The following TUBG2 variants were observed in gnomAD, a reference collection of about 807,000 sequenced individuals.
TUBG2 encodes tubulin gamma 2.
TUBG2 carries 39 observed loss-of-function variants against 55.1 expected under a neutral mutation model. The ratio of observed to expected loss-of-function variants is 0.71; its 90% CI spans 0.55 to 0.93. TUBG2 has a LOEUF of 0.93. Among genes scored for constraint, TUBG2 ranks in the 40% least tolerant of loss-of-function variants. The pLI is 0.00. For missense variants in TUBG2, 358 were observed against 599.1 expected, an observed-to-expected ratio of 0.60 and a Z score of 4.20; for synonymous variants, 223 against 241.0, an observed-to-expected ratio of 0.93 and a Z score of 0.69.
chr17:42,660,333 T>G lies in TUBG2; in HGVS notation c.330+17T>G. The G allele has an allele frequency of 6.2e-7, 1 of 1,614,076 alleles. No homozygotes were observed. ...TTCTCCCAGGTGTCCTAGCGACCAT[T>G]CCAGAGACCTTTGATATTCCCATCC... On this transcript the variant is annotated intron_variant, in intron 3 of 10. Transcript: ENST00000251412.
chr17:42,659,630 G>A, intron 1 of TUBG2, 78 bp downstream of exon 1: 2 of 1,465,776 alleles, frequency 1.4e-6, no homozygotes, highest in African/African-American at 1.4e-5. Flanking sequence ...GCTTCCACCA[G>A]TCCCCCTTTC....
rs903018534 is a variant in TUBG2 at position 42,659,358 on chromosome 17, T to C, written c.-146T>C. On this transcript the variant is annotated 5_prime_UTR_variant, in exon 1 of 11. Coordinates refer to ENST00000251412, the MANE Select transcript of TUBG2 (RefSeq NM_016437.3). The stretch of plus-strand genomic sequence containing the variant: ...CCGGCCCACCGGCCGAGGAGAGGCC[T>C]GCGCTGCACACGCGCAGACCGAGCA... 5 of 826,156 alleles carry C rather than the reference T, an allele frequency of 6.1e-6. No homozygotes were observed. Among genetic ancestry groups the C allele is most frequent in the Non-Finnish European group, 9.0e-6 (5 of 555,264 alleles). 51.2% of individuals were successfully genotyped at this position (826,156 alleles called of 1,614,324 possible).
intron 5 of TUBG2, 85 bp downstream of exon 5, chr17:42,663,137 C>T: frequency 2.7e-6 from 4 of 1,459,852 alleles, no homozygotes; most frequent in East Asian, 4.5e-5. Flanking sequence ...GAAAGTCTGC[C>T]ACTACCCCTT....
Position 42,660,688 on chromosome 17 carries a change from A to G in TUBG2, c.380A>G (p.Asp127Gly). The G allele has an allele frequency of 1.2e-6, 2 of 1,614,170 alleles. No individual in the cohort carries two copies. Among genetic ancestry groups the G allele is most frequent in the Non-Finnish European group, 1.7e-6 (2 of 1,180,018 alleles). ...TTTGACATCATAGACCGAGAAGCAG[A>G]TGGAAGTGACAGTTTGGAGGTGAAG... ...DIFDIIDREA[D>G]GSDSLEGFVL... The change falls in exon 4 of 11, where the codon GAT becomes GGT. Residue 127 changes from aspartate (D) to glycine (G), a missense_variant. By Grantham distance (94) the Asp-to-Gly change is moderately conservative. Around this residue, in one of 8 missense-constraint regions of TUBG2, gnomAD observed 30 missense variants for 52.8 expected, o/e 0.57. Transcript: ENST00000251412.
chr17:42,662,877 G>A (rs2052420392), intron 4 of TUBG2, 96 bp from the exon 5 acceptor site: 1 of 1,203,108 alleles, frequency 8.3e-7, no homozygotes, highest in South Asian at 1.4e-5. Flanking sequence ...CTGCTTACCT[G>A]ATGTGTGTGG....
At position 42,665,708 on chromosome 17, in the gene TUBG2, AC is replaced by A. The variant is rs2052515649; in HGVS notation, c.727del (p.Leu243CysfsTer7). 1 of 1,613,820 alleles carries A rather than the reference AC, an allele frequency of 6.2e-7. No individual in the cohort carries two copies. Among genetic ancestry groups the A allele is most frequent in the Non-Finnish European group, 8.5e-7 (1 of 1,179,982 alleles). The part of the protein sequence containing the change: ...VSTIMSASTT[T>X]LRYPGYMNND... ...CACCATCATGTCGGCCAGCACCACCACCCTGCGCTACCCCGGCTACATGAAC... is the reference window on the plus strand; with the variant it reads ...CACCATCATGTCGGCCAGCACCACCACCTGCGCTACCCCGGCTACATGAAC... On this transcript the variant is annotated frameshift_variant, in exon 8 of 11. Coordinates refer to ENST00000251412, the MANE Select transcript of TUBG2 (RefSeq NM_016437.3). LOFTEE classifies it high-confidence loss of function.
intron 6 of TUBG2, among the ~76,000 whole-genome samples, chr17:42,664,497 A>C (rs1476125282): frequency 6.6e-6 from 1 of 152,018 alleles, no homozygotes; most frequent in Non-Finnish European, 1.5e-5. Flanking sequence ...CCACACCACC[A>C]CGTATCCCAC....
At chr17:42,663,622 A>G (rs2143520955) in intron 6 of TUBG2, 119 bp downstream of exon 6, 1 of 1,271,486 alleles carries the variant, frequency 7.9e-7, no homozygotes, top group Non-Finnish European at 1.1e-6. Flanking sequence ...AGCCTGGGCA[A>G]CATGTGAAAC....
rs185385478 is a variant in TUBG2 at position 42,663,823 on chromosome 17, G to C, written c.606+320G>C. 1.7e-4 allele frequency among the ~76,000 whole-genome samples: 26 copies of C among 152,126 alleles called. No individual in the cohort carries two copies. In the East Asian group the frequency reaches 5.0e-3, roughly 29 times the overall value. On this transcript the variant is annotated intron_variant, in intron 6 of 10. Coordinates refer to ENST00000251412, the MANE Select transcript of TUBG2 (RefSeq NM_016437.3). ...CCAGGCGTGGTGGCGCATGCCTGTAGTCCCAGCTACTCGGGAGGCTGAGGC... is the reference window on the plus strand; with the variant it reads ...CCAGGCGTGGTGGCGCATGCCTGTACTCCCAGCTACTCGGGAGGCTGAGGC...
At chr17:42,662,360 C>T (rs2052407383) in intron 4 of TUBG2, among the ~76,000 whole-genome samples, 1 of 152,128 alleles carries the variant, frequency 6.6e-6, no homozygotes, top group African/African-American at 2.4e-5. Context: ...AATCCCAACA[C>T]TTTGGCAGGC....
At position 42,665,782 on chromosome 17, in the gene TUBG2, C is replaced by T. The variant is rs754271437; in HGVS notation, c.798C>T (p.Leu266=). Residue 266 remains leucine (L), a synonymous_variant, in exon 8 of 11, where the codon CTC becomes CTT. Coordinates refer to ENST00000251412, the MANE Select transcript of TUBG2 (RefSeq NM_016437.3). The part of the protein sequence containing the change: ...LIASLIPTPR[L]HFLMTGYTPL... ...CCTCGCTCATTCCCACCCCACGGCTCCACTTCCTCATGACCGGCTACACCC... is the reference window on the plus strand; with the variant it reads ...CCTCGCTCATTCCCACCCCACGGCTTCACTTCCTCATGACCGGCTACACCC... 1.9e-6 allele frequency: 3 copies of T among 1,614,118 alleles called. No individual in the cohort carries two copies. Among genetic ancestry groups the T allele is most frequent in the African/African-American group, 2.7e-5 (2 of 74,936 alleles).
At chr17:42,665,314 T>C (rs982173618) in intron 6 of TUBG2, among the ~76,000 whole-genome samples, 162 bp from the exon 7 acceptor site, 1 of 151,852 alleles carries the variant, frequency 6.6e-6, no homozygotes, top group Non-Finnish European at 1.5e-5. Flanking sequence ...CCCAAAGTGC[T>C]GGGATTACAG....
Position 42,663,184 on chromosome 17 carries a change from T to G in TUBG2, c.479+132T>G, listed in dbSNP as rs75402260. ...GGACAGACCCACCCAAGGACCATGT[T>G]GGAAGCTATTTTGGGGGGTGGGGGT... On this transcript the variant is annotated intron_variant, in intron 5 of 10. Transcript: ENST00000251412. 4,382 of 1,262,716 alleles carry G rather than the reference T, an allele frequency of 3.5e-3. 131 individuals carry two copies. The African/African-American group carries it at 0.057, about 16-fold the overall frequency. The allele number at this position is 1,262,716 out of a possible 1,614,324, so 78.2% of individuals were successfully genotyped here.
intron 6 of TUBG2, among the ~76,000 whole-genome samples, chr17:42,663,781 TA>T (rs900148868): frequency 1.4e-4 from 21 of 151,584 alleles, no homozygotes; most frequent in Non-Finnish European, 2.9e-5. Context: ...CCATCTCTAC[TA>T]AAAAAACAAA....
chr17:42,662,469 G>A (rs1327499855), intron 4 of TUBG2, among the ~76,000 whole-genome samples: 1 of 152,152 alleles, frequency 6.6e-6, no homozygotes, highest in Non-Finnish European at 1.5e-5. Context: ...AGCCAGGCGT[G>A]GTGGTACATG....
chr17:42,666,042 T>G, intron 8 of TUBG2, 45 bp from the exon 9 acceptor site: 1 of 1,613,284 alleles, frequency 6.2e-7, no homozygotes, highest in Non-Finnish European at 8.5e-7. Context: ...CCAAAGGGAC[T>G]GTGCCCTGAG....
intron 5 of TUBG2, 146 bp downstream of exon 5, chr17:42,663,198 G>C (rs761806130): frequency 5.5e-6 from 7 of 1,264,928 alleles, no homozygotes; most frequent in East Asian, 2.4e-5. Flanking sequence ...AGCTATTTTG[G>C]GGGGTGGGGG....
Position 42,663,576 on chromosome 17 carries a change from G to A in TUBG2, c.606+73G>A. On this transcript the variant is annotated intron_variant, in intron 6 of 10. Coordinates refer to ENST00000251412, the MANE Select transcript of TUBG2 (RefSeq NM_016437.3). ...TAGTTCTAGCACTTTGGGAGGCCTA[G>A]GCAGATGGATTGCTTGAGCTCAGGA... The A allele has an allele frequency of 3.2e-6, 5 of 1,574,734 alleles. No homozygotes were observed. The South Asian group carries it at 3.5e-5, about 11-fold the overall frequency.
intron 6 of TUBG2, among the ~76,000 whole-genome samples, chr17:42,665,070 C>T (rs542866550): frequency 2.6e-5 from 4 of 151,556 alleles, no homozygotes; most frequent in East Asian, 1.9e-4. Flanking sequence ...ATTTTTGAGA[C>T]GGAGTCTTGC....
Sources: gnomAD v4.1 joint callset for allele counts (sites outside exome capture counted in the v4.1 genomes callset) on GRCh38, gnomAD v4.1.1 for gene constraint, gnomAD v4.1.1 regional missense constraint, MANE v1.5 for transcripts, NCBI Gene and HGNC (gene_info 2026-07-23, HGNC 2026-07-21) for gene names.